Variants in SDK1 observed in about 807,000 individuals in gnomAD.
The protein encoded by SDK1 is sidekick cell adhesion molecule 1, also known as protein sidekick-1.
Under a neutral mutation model 245.5 loss-of-function variants are expected in SDK1, and 157 were observed. The ratio of observed to expected loss-of-function variants is 0.64; its 90% confidence interval spans 0.56 to 0.73. SDK1 has a LOEUF of 0.73. SDK1 is among the 30% of genes least tolerant of loss of function. The probability of loss-of-function intolerance (pLI) is 0.00; values close to 1 mark genes in which losing one functional copy is unlikely to be tolerated. For missense variants in SDK1, 3,583 were observed against 3,002.3 expected (o/e 1.19, Z -4.52); for synonymous variants, 1,647 against 1,278.5 (o/e 1.29, Z -6.15).
At chr7:3,435,930 T>G (rs936355451) in intron 1 of SDK1, among the ~76,000 whole-genome samples, 4 of 152,210 alleles carry the variant, frequency 2.6e-5, no homozygotes, top group African/African-American at 9.7e-5. Context: ...GTTCTTCTAT[T>G]GGATGTAGTT....
intron 1 of SDK1, among the ~76,000 whole-genome samples, chr7:3,359,383 C>CGTT (rs991154835): frequency 6.6e-6 from 1 of 152,094 alleles, no homozygotes; most frequent in East Asian, 1.9e-4. Context: ...GTTAAGTTTT[C>CGTT]GTTGTTGTTG....
Position 4,077,201 on chromosome 7 carries a change from C to T in SDK1, c.3202+12C>T, listed in dbSNP as rs375626763. ...TGGAGTGCCCCCAGGTCAGTAGAATCGTGTGCGGTCCTCCTGCTGTCACCT... is the reference window on the plus strand; with the variant it reads ...TGGAGTGCCCCCAGGTCAGTAGAATTGTGTGCGGTCCTCCTGCTGTCACCT... On this transcript the variant is annotated intron_variant, in intron 21 of 44. Coordinates refer to ENST00000404826, the MANE Select transcript of SDK1 (RefSeq NM_152744.4). 399 of 1,611,762 alleles carry T rather than the reference C, an allele frequency of 2.5e-4. 2 individuals carry two copies. The highest frequency in any genetic ancestry group is 3.2e-4 in the Non-Finnish European group (372 of 1,178,360).
At chr7:4,194,409 CAT>C (rs946213558) in intron 35 of SDK1, among the ~76,000 whole-genome samples, 7 of 117,348 alleles carry the variant, frequency 6.0e-5, no homozygotes, top group African/African-American at 1.5e-4. Context: ...TATGTATGCA[CAT>C]ATGTGTATAC....
rs764345860 is a variant in SDK1, at chr7:4,233,374, G to A, written c.5947G>A (p.Glu1983Lys). The change falls in exon 41 of 45, where the codon GAG (glutamate) becomes AAG (lysine). Residue 1983 changes from glutamate to lysine, a missense_variant. Physicochemically the swap from Glu to Lys is moderately conservative, Grantham distance 56 (BLOSUM62 1). Coordinates refer to ENST00000404826, the MANE Select transcript of SDK1 (RefSeq NM_152744.4). ...TYEFRVVAVN[E>K]AGYGEPSNPS... ...CGAGTTCCGGGTGGTGGCTGTGAAT[G>A]AGGCGGGCTACGGGGAGCCCAGCAA... 11 of 1,613,688 alleles carry A rather than the reference G, an allele frequency of 6.8e-6. No individual in the cohort carries two copies. Among genetic ancestry groups the A allele is most frequent in the Non-Finnish European group, 8.5e-6 (10 of 1,180,048 alleles).
chr7:3,886,007 G>T (rs1583513184), intron 5 of SDK1, among the ~76,000 whole-genome samples: 1 of 152,094 alleles, frequency 6.6e-6, no homozygotes, highest in East Asian at 1.9e-4. Context: ...TATCGAGGAG[G>T]TGATCCTAGG....
Position 3,619,135 on chromosome 7 carries a change from A to T in SDK1, c.354A>T (p.Glu118Asp). The part of the protein sequence containing the change: ...TEPGLPQIHL[E>D]GNRLVLTCLA... Reference sequence around the variant, plus strand: ...CAGGCCTACCACAGATCCACCTGGAAGGGAACCGCCTTGTTCTCACCTGCC... The same window carrying T: ...CAGGCCTACCACAGATCCACCTGGATGGGAACCGCCTTGTTCTCACCTGCC... Residue 118 changes from glutamate (E) to aspartate (D), a missense_variant, in exon 2 of 45, where the codon GAA (glutamate) becomes GAT (aspartate). Physicochemically the swap from Glu to Asp is conservative, Grantham distance 45. Transcript: ENST00000404826. The T allele has an allele frequency of 6.2e-7, 1 of 1,613,932 alleles. No individual in the cohort carries two copies. The highest frequency in any genetic ancestry group is 8.5e-7 in the Non-Finnish European group (1 of 1,179,834).
intron 1 of SDK1, among the ~76,000 whole-genome samples, chr7:3,599,354 G>C (rs1781179934): frequency 6.6e-6 from 1 of 151,936 alleles, no homozygotes; most frequent in Non-Finnish European, 1.5e-5. Context: ...CGGATTCTTT[G>C]TATATTCTAG....
chr7:4,266,818 C>T lies in SDK1; in HGVS notation c.*1434C>T, dbSNP rs1562498315. ...CCCCGGGTCCCTGTAAGTGCCCCCT[C>T]ACCAGCAGCAGCGTGACACACACAA... On this transcript the variant is annotated 3_prime_UTR_variant, in exon 45 of 45. Transcript: ENST00000404826. 1.0e-6 allele frequency: 1 copy of T among 985,524 alleles called. No homozygotes were observed. The highest frequency in any genetic ancestry group is 1.2e-6 in the Non-Finnish European group (1 of 830,034). The allele number at this position is 985,524 out of a possible 1,614,324, so 61.0% of individuals were successfully genotyped here. A position where few individuals can be genotyped will look rare whatever the true frequency, so the allele number is the denominator to read the frequency against.
chr7:3,759,101 G>A (rs1780020236), intron 4 of SDK1, among the ~76,000 whole-genome samples: 1 of 152,108 alleles, frequency 6.6e-6, no homozygotes. Flanking sequence ...TGTATCCTGC[G>A]AGAAACAAAT....
At chr7:3,709,788 A>G (rs965419824) in intron 4 of SDK1, among the ~76,000 whole-genome samples, 9 of 152,220 alleles carry the variant, frequency 5.9e-5, no homozygotes, top group African/African-American at 2.2e-4. Context: ...AAGATGAACC[A>G]AACTTCTAAT....
In SDK1 at chr7:4,237,731, T is replaced by C; in HGVS notation, c.6077T>C (p.Val2026Ala). The C allele has an allele frequency of 1.9e-6, 3 of 1,614,130 alleles. No homozygotes were observed. The highest frequency in any genetic ancestry group is 2.7e-5 in the African/African-American group (2 of 75,028). ...LSSLIVILLV[V>A]FALVLHGQNK... ...AGCCTGATCGTCATCCTGCTGGTGG[T>C]GTTCGCCCTCGTCCTGCACGGGCAG... Residue 2026 changes from valine to alanine, a missense_variant, in exon 42 of 45, where the codon GTG (valine) becomes GCG (alanine). Coordinates refer to ENST00000404826, the MANE Select transcript of SDK1 (RefSeq NM_152744.4).
chr7:3,670,302 T>C (rs923816565), intron 4 of SDK1, among the ~76,000 whole-genome samples: 2 of 152,156 alleles, frequency 1.3e-5, no homozygotes, highest in African/African-American at 2.4e-5. Flanking sequence ...TTCCCTTATC[T>C]ACCTAAATTT....
At chr7:4,028,643 A>G (rs1371624849) in intron 17 of SDK1, among the ~76,000 whole-genome samples, 1 of 152,206 alleles carries the variant, frequency 6.6e-6, no homozygotes, top group Non-Finnish European at 1.5e-5. Flanking sequence ...ATAACACTTT[A>G]TGTCCCACAT....
intron 1 of SDK1, among the ~76,000 whole-genome samples, chr7:3,524,551 C>T (rs1019074580): frequency 2.6e-5 from 4 of 152,024 alleles, no homozygotes; most frequent in African/African-American, 7.2e-5. Flanking sequence ...TGTGCGCGCT[C>T]ATGTACACTT....
At chr7:3,315,541 G>A (rs1270811671) in intron 1 of SDK1, among the ~76,000 whole-genome samples, 1 of 152,128 alleles carries the variant, frequency 6.6e-6, no homozygotes, top group Admixed American at 6.5e-5. Flanking sequence ...TGTGGAAGTC[G>A]CATATTATAA....
intron 1 of SDK1, among the ~76,000 whole-genome samples, chr7:3,562,800 A>G (rs557138821): frequency 4.6e-5 from 7 of 152,242 alleles, no homozygotes; most frequent in Admixed American, 4.6e-4. Context: ...GGATATAAGA[A>G]GTATCTTCAG....
At chr7:4,070,131 T>C (rs1031744299) in intron 20 of SDK1, among the ~76,000 whole-genome samples, 4 of 152,214 alleles carry the variant, frequency 2.6e-5, no homozygotes, top group Admixed American at 6.5e-5. Context: ...ACAATTATAA[T>C]TGCCATGTAA....
chr7:4,172,610 G>T (rs1039506411), intron 32 of SDK1, among the ~76,000 whole-genome samples: 3 of 152,196 alleles, frequency 2.0e-5, no homozygotes, highest in Non-Finnish European at 4.4e-5. Context: ...AGCAAAACAA[G>T]TTACTACGCA....
At chr7:3,540,926 C>G (rs1024681034) in intron 1 of SDK1, among the ~76,000 whole-genome samples, 2 of 152,164 alleles carry the variant, frequency 1.3e-5, no homozygotes, top group African/African-American at 4.8e-5. Context: ...TTCGTCTTGT[C>G]TTTTGGGGGA....
Sources: allele counts gnomAD v4.1 joint callset (sites outside exome capture counted in the v4.1 genomes callset), GRCh38; gene constraint gnomAD v4.1.1; transcripts MANE v1.5; gene names NCBI Gene and HGNC (gene_info 2026-07-23, HGNC 2026-07-21).